The following PLEKHA6 variants were observed in gnomAD, a reference collection of about 807,000 sequenced individuals.
PLEKHA6 encodes the protein pleckstrin homology domain containing A6.
Under a neutral mutation model 116.7 loss-of-function variants are expected in PLEKHA6, and 60 were observed. The observed-to-expected ratio is 0.51, with a 90% CI of 0.42 to 0.64. The LOEUF is 0.64. PLEKHA6 is among the 30% of genes least tolerant of loss of function. The pLI is 0.00. For missense variants in PLEKHA6, 1,338 were observed against 1,422.7 expected (o/e 0.94, Z 0.96); for synonymous variants, 489 against 556.1 (o/e 0.88, Z 1.70).
intron 1 of PLEKHA6, among the ~76,000 whole-genome samples, chr1:204,374,399 C>T (rs971639367): frequency 7.2e-5 from 11 of 152,102 alleles, no homozygotes; most frequent in African/African-American, 2.7e-4. Flanking sequence ...GCTACCTAGC[C>T]CCTCTCCGGC....
chr1:204,309,214 C>T (rs1671559875), intron 1 of PLEKHA6: 1 of 193,042 alleles, frequency 5.2e-6, no homozygotes, highest in African/African-American at 2.4e-5. Context: ...CCCCGCATCT[C>T]AACCTCCAGG....
At chr1:204,334,737 G>A (rs4951361) in intron 1 of PLEKHA6, among the ~76,000 whole-genome samples, 84,377 of 151,598 alleles carry the variant, frequency 0.56, 25,493 homozygotes, top group East Asian at 0.82. Context: ...CATCTCTACT[G>A]AAAATACAAA....
chr1:204,254,824 T>C (rs949612486), intron 9 of PLEKHA6, among the ~76,000 whole-genome samples: 1 of 152,210 alleles, frequency 6.6e-6, no homozygotes, highest in Admixed American at 6.5e-5. Flanking sequence ...TGTGTACTTC[T>C]AGGTCGTGGT....
At chr1:204,374,225 T>G (rs930994396) in intron 1 of PLEKHA6, among the ~76,000 whole-genome samples, 4 of 152,138 alleles carry the variant, frequency 2.6e-5, no homozygotes, top group African/African-American at 9.7e-5. Flanking sequence ...ACCGGGCTGA[T>G]GGGGGAACTG....
chr1:204,233,187 CT>C lies in PLEKHA6; in HGVS notation c.2410-2602del, dbSNP rs57991213. 2.2e-3 allele frequency among the ~76,000 whole-genome samples: 285 copies of C among 129,770 alleles called. 1 individual carries two copies. Among genetic ancestry groups the C allele is most frequent in the African/African-American group, 6.1e-3 (204 of 33,394 alleles). 85.1% of individuals were successfully genotyped at this position (129,770 alleles called of 152,430 possible). A position where few individuals can be genotyped will look rare whatever the true frequency, so the allele number is the denominator to read the frequency against. ...TCTTTCTTTCTTTTTTTTTCTTTTT[CT>C]TTTTTTTTTTTTGTCTAGCTCTGTT... is the stretch of plus-strand genomic sequence containing the variant. On this transcript the variant is annotated intron_variant, in intron 17 of 22. Transcript: ENST00000272203.
intron 1 of PLEKHA6, among the ~76,000 whole-genome samples, chr1:204,312,792 G>C (rs896639345): frequency 2.0e-5 from 3 of 152,096 alleles, no homozygotes; most frequent in African/African-American, 7.2e-5. Flanking sequence ...TTTGCCTCTA[G>C]TGCACTCTCT....
At chr1:204,270,588 G>A (rs1228771970) in intron 3 of PLEKHA6, among the ~76,000 whole-genome samples, 1 of 152,196 alleles carries the variant, frequency 6.6e-6, no homozygotes, top group African/African-American at 2.4e-5. Context: ...ATACAGGGCT[G>A]ATGAGTCTGT....
intron 1 of PLEKHA6, among the ~76,000 whole-genome samples, chr1:204,340,321 T>A (rs1413814257): frequency 6.6e-6 from 1 of 152,226 alleles, no homozygotes; most frequent in Non-Finnish European, 1.5e-5. Flanking sequence ...TATCCCGTAA[T>A]TATTGTCTCT....
In PLEKHA6 at chr1:204,247,289, T is replaced by C. The variant is rs546245624; in HGVS notation, c.1920+76A>G. ...GAGTCTGTTATCAATGGCCGGAACC[T>C]TTGCTTTTGTCTCGAGGCCAACTCC... On this transcript the variant is annotated intron_variant, in intron 13 of 22. Transcript: ENST00000272203. 2.4e-4 allele frequency: 207 copies of C among 873,836 alleles called. 1 individual carries two copies. The highest frequency in any genetic ancestry group is 1.5e-3 in the African/African-American group (92 of 60,418). 54.1% of individuals were successfully genotyped at this position (873,836 alleles called of 1,614,324 possible). A position where few individuals can be genotyped will look rare whatever the true frequency, so the allele number is the denominator to read the frequency against.
At chr1:204,226,359 G>T (rs1660368809) in intron 21 of PLEKHA6, among the ~76,000 whole-genome samples, 1 of 152,192 alleles carries the variant, frequency 6.6e-6, no homozygotes, top group Admixed American at 6.5e-5. Context: ...GGCCGGGTGG[G>T]TTTTGTTTTC....
chr1:204,271,808 C>T (rs1667479908), intron 3 of PLEKHA6, among the ~76,000 whole-genome samples: 1 of 152,226 alleles, frequency 6.6e-6, no homozygotes, highest in African/African-American at 2.4e-5. Context: ...TCATCTGCCC[C>T]AGATGATCCT....
chr1:204,288,972 T>C (rs964114740), intron 1 of PLEKHA6, among the ~76,000 whole-genome samples: 10 of 152,188 alleles, frequency 6.6e-5, no homozygotes, highest in African/African-American at 1.9e-4. Context: ...CAAGAAGAGA[T>C]AAATTCCCTC....
intron 1 of PLEKHA6, among the ~76,000 whole-genome samples, chr1:204,323,002 C>G (rs1313116717): frequency 6.6e-6 from 1 of 152,238 alleles, no homozygotes; most frequent in African/African-American, 2.4e-5. Context: ...TTTGCATTTC[C>G]TTGGAACTTA....
At chr1:204,237,005 G>A (rs2102508213) in intron 17 of PLEKHA6, among the ~76,000 whole-genome samples, 1 of 152,306 alleles carries the variant, frequency 6.6e-6, no homozygotes, top group East Asian at 1.9e-4. Context: ...TTTTACCAGG[G>A]TGACTGTGCA....
chr1:204,281,443 T>C (rs1230630366), intron 1 of PLEKHA6, among the ~76,000 whole-genome samples: 1 of 152,082 alleles, frequency 6.6e-6, no homozygotes, highest in East Asian at 1.9e-4. Context: ...GAGAATGGCG[T>C]GAACCCAGGA....
At chr1:204,235,165 G>GTTGGCTGCTTAATATGAT (rs1661858353) in intron 17 of PLEKHA6, among the ~76,000 whole-genome samples, 1 of 151,400 alleles carries the variant, frequency 6.6e-6, no homozygotes, top group African/African-American at 2.4e-5. Flanking sequence ...GGTTTCTGGA[G>GTTGGCTGCTTAATATGAT]TTGGCTGCTT....
chr1:204,332,999 C>T (rs528605075), intron 1 of PLEKHA6, among the ~76,000 whole-genome samples: 1 of 152,222 alleles, frequency 6.6e-6, no homozygotes, highest in African/African-American at 2.4e-5. Flanking sequence ...TCCTGCCCCA[C>T]CTAGGGAGGA....
At chr1:204,266,274 GA>G (rs1292855559) in intron 5 of PLEKHA6, among the ~76,000 whole-genome samples, 1 of 152,178 alleles carries the variant, frequency 6.6e-6, no homozygotes, top group Admixed American at 6.5e-5. Flanking sequence ...TCCAGAGATG[GA>G]GCCCCTGCAT....
At chr1:204,342,398 A>G (rs991780699) in intron 1 of PLEKHA6, among the ~76,000 whole-genome samples, 2 of 152,200 alleles carry the variant, frequency 1.3e-5, no homozygotes, top group Non-Finnish European at 1.5e-5. Context: ...TAGTACAGAA[A>G]TAGCTTTATG....
Sources: allele counts gnomAD v4.1 joint callset (sites outside exome capture counted in the v4.1 genomes callset), GRCh38; gene constraint gnomAD v4.1.1; transcripts MANE v1.5; gene names NCBI Gene and HGNC (gene_info 2026-07-23, HGNC 2026-07-21).